Variants in CAMK1G observed in about 807,000 individuals in gnomAD.
CAMK1G encodes calcium/calmodulin-dependent protein kinase type 1G.
A neutral mutation model predicts 54.8 loss-of-function variants in CAMK1G; 27 were observed. That is an observed-to-expected ratio of 0.49 (90% CI 0.36 to 0.68). The LOEUF (loss-of-function observed/expected upper bound fraction) is 0.68, where lower values mean the gene tolerates loss of function less well. CAMK1G is among the 30% of genes least tolerant of loss of function. The pLI, the probability that CAMK1G is intolerant of heterozygous loss-of-function variation, is 0.00. For synonymous variants in CAMK1G, 238 were observed against 224.9 expected (o/e 1.06, Z -0.52); for missense variants, 512 against 591.0 (o/e 0.87, Z 1.39).
chr1:209,592,898 C>G (rs150152111), intron 1 of CAMK1G, among the ~76,000 whole-genome samples: 1 of 152,136 alleles, frequency 6.6e-6, no homozygotes, highest in African/African-American at 2.4e-5. Flanking sequence ...TACCACGAGT[C>G]CTCCAGATGT....
At chr1:209,587,786 G>A (rs1665139757) in intron 1 of CAMK1G, among the ~76,000 whole-genome samples, 1 of 152,082 alleles carries the variant, frequency 6.6e-6, no homozygotes, top group Non-Finnish European at 1.5e-5. Context: ...ATATGGACCA[G>A]AGTCTAGAAA....
intron 8 of CAMK1G, among the ~76,000 whole-genome samples, chr1:209,609,361 A>T (rs934814353): frequency 6.6e-6 from 1 of 152,210 alleles, no homozygotes; most frequent in Non-Finnish European, 1.5e-5. Context: ...ATGGGCCAGG[A>T]GGGCAGAGCC....
Position 209,612,006 on chromosome 1 carries a change from A to G in CAMK1G, c.1130A>G (p.His377Arg). 6.2e-7 allele frequency: 1 copy of G among 1,614,226 alleles called. No individual in the cohort carries two copies. Among genetic ancestry groups the G allele is most frequent in the African/African-American group, 1.3e-5 (1 of 75,070 alleles). Reference protein sequence around the residue: ...LPALTQLPCQHGRRPTAPGGR... With the variant: ...LPALTQLPCQRGRRPTAPGGR... ...GCCCTGACCCAATTACCCTGCCAGCATGGCCGCCGGCCCACTGCCCCTGGT... is the reference window on the plus strand; with the variant it reads ...GCCCTGACCCAATTACCCTGCCAGCGTGGCCGCCGGCCCACTGCCCCTGGT... Residue 377 changes from histidine to arginine, a missense_variant, in exon 11 of 13, where the codon CAT (histidine) becomes CGT (arginine). This residue lies in a region of CAMK1G where 315 missense variants were observed against 330.5 expected (regional missense o/e 0.95). Coordinates refer to ENST00000361322, the MANE Select transcript of CAMK1G (RefSeq NM_020439.3).
At chr1:209,601,778 T>C (rs541112110) in intron 3 of CAMK1G, among the ~76,000 whole-genome samples, 7 of 152,382 alleles carry the variant, frequency 4.6e-5, no homozygotes, top group Admixed American at 1.3e-4. Context: ...CTATTGATTA[T>C]GTGTTTACTA....
chr1:209,589,725 C>T (rs531942470), intron 1 of CAMK1G, among the ~76,000 whole-genome samples: 1 of 152,236 alleles, frequency 6.6e-6, no homozygotes, highest in African/African-American at 2.4e-5. Flanking sequence ...TTCTTAGCTC[C>T]TTATTTATAT....
intron 1 of CAMK1G, among the ~76,000 whole-genome samples, chr1:209,590,060 G>A (rs1013593012): frequency 6.6e-6 from 1 of 152,190 alleles, no homozygotes. Context: ...AATCTGTGGC[G>A]GCTGCTCCTG....
In CAMK1G at chr1:209,609,240, C is replaced by T. The variant is rs151219140; in HGVS notation, c.748+148C>T. 111 of 912,582 alleles carry T rather than the reference C, an allele frequency of 1.2e-4. No individual in the cohort carries two copies. In the East Asian group the frequency reaches 1.4e-3, roughly 12 times the overall value. 56.5% of individuals were successfully genotyped at this position (912,582 alleles called of 1,614,324 possible). A position where few individuals can be genotyped will look rare whatever the true frequency, so the allele number is the denominator to read the frequency against. ...CTGCCAAGGAAAGTGGAGAAATCTT[C>T]GTCTGCTTCAAAGACCCGATAAATT... On this transcript the variant is annotated intron_variant, in intron 8 of 12. Coordinates refer to ENST00000361322, the MANE Select transcript of CAMK1G (RefSeq NM_020439.3).
chr1:209,612,495 T>A (rs376678758), intron 11 of CAMK1G, among the ~76,000 whole-genome samples: 1 of 152,208 alleles, frequency 6.6e-6, no homozygotes, highest in East Asian at 1.9e-4. Context: ...ACAGAGGTAC[T>A]ATAAAAGGTT....
chr1:209,590,834 G>C (rs1006799357), intron 1 of CAMK1G, among the ~76,000 whole-genome samples: 1 of 152,196 alleles, frequency 6.6e-6, no homozygotes, highest in African/African-American at 2.4e-5. Flanking sequence ...ACCAGCAGCA[G>C]TGTATCCGCA....
Position 209,611,366 on chromosome 1 carries a change from T to A in CAMK1G, c.828-99T>A, listed in dbSNP as rs1054007410. Reference sequence around the variant, plus strand: ...TGTGGGCTGTCTTTCCTCTGCACACTCTACCCAGCTCTCACCTAGACCTGC... The same window carrying A: ...TGTGGGCTGTCTTTCCTCTGCACACACTACCCAGCTCTCACCTAGACCTGC... On this transcript the variant is annotated intron_variant, in intron 9 of 12. Coordinates refer to ENST00000361322, the MANE Select transcript of CAMK1G (RefSeq NM_020439.3). 5.8e-6 allele frequency: 6 copies of A among 1,028,298 alleles called. No homozygotes were observed. In the Admixed American group the frequency reaches 6.0e-5, roughly 10 times the overall value. The allele number at this position is 1,028,298 out of a possible 1,614,324, so 63.7% of individuals were successfully genotyped here. A position where few individuals can be genotyped will look rare whatever the true frequency, so the allele number is the denominator to read the frequency against.
At chr1:209,596,875 A>C (rs761362611) in intron 2 of CAMK1G, among the ~76,000 whole-genome samples, 63 of 152,324 alleles carry the variant, frequency 4.1e-4, no homozygotes, top group Non-Finnish European at 4.0e-4. Context: ...TTTTTGAAAA[A>C]TAGATCCCTG....
intron 6 of CAMK1G, 102 bp downstream of exon 6, chr1:209,606,545 C>T: frequency 2.3e-6 from 3 of 1,320,948 alleles, no homozygotes; most frequent in Non-Finnish European, 3.2e-6. Context: ...GGTTCAACTT[C>T]AGGGGCTATC....
intron 6 of CAMK1G, among the ~76,000 whole-genome samples, chr1:209,606,884 G>C (rs1665663224): frequency 6.6e-6 from 1 of 152,212 alleles, no homozygotes; most frequent in South Asian, 2.1e-4. Flanking sequence ...ATTTGGGCCT[G>C]AGGAACCCAG....
At chr1:209,607,772 C>A in intron 6 of CAMK1G, 86 bp from the exon 7 acceptor site, 1 of 1,084,950 alleles carries the variant, frequency 9.2e-7, no homozygotes, top group Non-Finnish European at 1.4e-6. Context: ...TTCCCCAGAC[C>A]TCTTCTCTAA....
Position 209,603,304 on chromosome 1 carries a change from C to T in CAMK1G, c.296+16C>T. The T allele has an allele frequency of 6.2e-7, 1 of 1,608,668 alleles. No individual in the cohort carries two copies. Among genetic ancestry groups the T allele is most frequent in the Non-Finnish European group, 8.5e-7 (1 of 1,175,104 alleles). On this transcript the variant is annotated intron_variant, in intron 4 of 12. Coordinates refer to ENST00000361322, the MANE Select transcript of CAMK1G (RefSeq NM_020439.3). Reference sequence around the variant, plus strand: ...TCATGCAGCTGTAAGTAAAAGGTGACTTGCTTCCTTCACAGAGGCCTGGTG... The same window carrying T: ...TCATGCAGCTGTAAGTAAAAGGTGATTTGCTTCCTTCACAGAGGCCTGGTG...
chr1:209,595,693 G>T (rs1459485721), intron 2 of CAMK1G, among the ~76,000 whole-genome samples: 1 of 152,172 alleles, frequency 6.6e-6, no homozygotes, highest in Non-Finnish European at 1.5e-5. Context: ...GGACTTTTGA[G>T]GCCCAGGGAG....
chr1:209,588,807 C>T (rs535536519), intron 1 of CAMK1G, among the ~76,000 whole-genome samples: 8 of 152,326 alleles, frequency 5.3e-5, no homozygotes, highest in African/African-American at 1.9e-4. Flanking sequence ...GCATCTGCCT[C>T]CTGGGCTCAT....
intron 7 of CAMK1G, 82 bp downstream of exon 7, chr1:209,608,015 C>T (rs1293775110): frequency 3.7e-6 from 4 of 1,088,286 alleles, no homozygotes; most frequent in African/African-American, 3.1e-5. Flanking sequence ...CCTGTCTCAG[C>T]TCCTCCTCCA....
intron 12 of CAMK1G, 33 bp from the exon 13 acceptor site, chr1:209,613,007 C>T: frequency 3.1e-6 from 2 of 652,118 alleles, no homozygotes; most frequent in African/African-American, 1.8e-5. Context: ...AGGTGGCAAC[C>T]CCCTCCTCAC....
Sources: allele counts gnomAD v4.1 joint callset (sites outside exome capture counted in the v4.1 genomes callset), GRCh38; gene constraint gnomAD v4.1.1; regional missense constraint gnomAD v4.1.1; transcripts MANE v1.5; gene names NCBI Gene and HGNC (gene_info 2026-07-23, HGNC 2026-07-21).